Variants in RPRD1B observed in about 807,000 individuals in gnomAD.
The protein encoded by RPRD1B is regulation of nuclear pre-mRNA domain-containing protein 1B.
In RPRD1B, 11 loss-of-function variants were observed where a neutral mutation model predicts 41.5. The observed-to-expected ratio is 0.27, with a 90% CI of 0.17 to 0.44. RPRD1B has a LOEUF of 0.44. RPRD1B is among the 20% of genes least tolerant of loss of function. The pLI is 1.00. For missense variants in RPRD1B, 248 were observed against 389.9 expected (o/e 0.64, Z 3.06); for synonymous variants, 158 against 155.6 (o/e 1.02, Z -0.12).
intron 6 of RPRD1B, among the ~76,000 whole-genome samples, chr20:38,071,022 A>C (rs1003403555): frequency 5.3e-5 from 8 of 152,134 alleles, no homozygotes; most frequent in African/African-American, 1.9e-4. Context: ...ATGCGCCTCC[A>C]TGCCTGGCCT....
At chr20:38,085,807 T>C (rs1600444872) in intron 6 of RPRD1B, among the ~76,000 whole-genome samples, 1 of 150,816 alleles carries the variant, frequency 6.6e-6, no homozygotes, top group African/African-American at 2.4e-5. Flanking sequence ...AAGGCTGGAG[T>C]TGTATTTGGG....
At chr20:38,072,323 G>C (rs1241126985) in intron 6 of RPRD1B, among the ~76,000 whole-genome samples, 1 of 152,010 alleles carries the variant, frequency 6.6e-6, no homozygotes, top group Non-Finnish European at 1.5e-5. Context: ...AAAATCAATT[G>C]GCCACAGATG....
chr20:38,033,988 C>T lies in RPRD1B; in HGVS notation c.41C>T (p.Ser14Leu), dbSNP rs2073962525. 2 of 1,613,824 alleles carry T rather than the reference C, an allele frequency of 1.2e-6. No individual in the cohort carries two copies. Among genetic ancestry groups the T allele is most frequent in the Non-Finnish European group, 1.7e-6 (2 of 1,179,820 alleles). ...FSESALEKKL[S>L]ELSNSQQSVQ... ...GAGTCGGCGCTGGAGAAGAAGCTCT[C>T]GGAGCTGAGCAACTCTCAGCAGAGC... Residue 14 changes from serine (S) to leucine (L), a missense_variant, in exon 1 of 7, where the codon TCG becomes TTG. By Grantham distance (145) the Ser-to-Leu change is moderately radical. Transcript: ENST00000373433.
Position 38,090,368 on chromosome 20 carries a change from C to T in RPRD1B, c.*493C>T. The stretch of plus-strand genomic sequence containing the variant: ...CATCTGCCCCAAAAGGTTGTAGGCA[C>T]AGCTGTCGTAGCGTTGCCATAAAGA... On this transcript the variant is annotated 3_prime_UTR_variant, in exon 7 of 7. Transcript: ENST00000373433. The T allele has an allele frequency of 1.0e-6, 1 of 986,398 alleles. No individual in the cohort carries two copies. The highest frequency in any genetic ancestry group is 1.2e-6 in the Non-Finnish European group (1 of 830,346). 61.1% of individuals were successfully genotyped at this position (986,398 alleles called of 1,614,324 possible).
At chr20:38,046,282 G>A (rs948645716) in intron 2 of RPRD1B, among the ~76,000 whole-genome samples, 2 of 152,140 alleles carry the variant, frequency 1.3e-5, no homozygotes, top group African/African-American at 4.8e-5. Flanking sequence ...TTCATTGGTC[G>A]AGCTGAGGAG....
At chr20:38,074,940 T>C (rs1199508220) in intron 6 of RPRD1B, among the ~76,000 whole-genome samples, 1 of 152,234 alleles carries the variant, frequency 6.6e-6, no homozygotes, top group Non-Finnish European at 1.5e-5. Flanking sequence ...CATGCTTTTT[T>C]CTTAACATGA....
intron 1 of RPRD1B, among the ~76,000 whole-genome samples, chr20:38,036,328 C>G (rs773907288): frequency 1.3e-5 from 2 of 152,206 alleles, no homozygotes; most frequent in Non-Finnish European, 2.9e-5. Flanking sequence ...AAAATGTGTT[C>G]TTTTTCATGT....
chr20:38,041,488 G>A (rs543070273), intron 2 of RPRD1B, among the ~76,000 whole-genome samples: 2 of 152,226 alleles, frequency 1.3e-5, no homozygotes, highest in African/African-American at 4.8e-5. Flanking sequence ...GAAAAAGATG[G>A]TTTTTGTGGA....
chr20:38,059,575 C>T (rs752952761), intron 5 of RPRD1B, 55 bp downstream of exon 5: 14 of 1,577,594 alleles, frequency 8.9e-6, no homozygotes, highest in Non-Finnish European at 1.1e-5. Flanking sequence ...AACTGTAATG[C>T]AGTAACCCTA....
chr20:38,058,594 T>C (rs1156457280), intron 4 of RPRD1B, among the ~76,000 whole-genome samples: 6 of 152,218 alleles, frequency 3.9e-5, no homozygotes, highest in Admixed American at 3.9e-4. Context: ...CTTTTCTTGT[T>C]TTTTCCCCCT....
intron 6 of RPRD1B, among the ~76,000 whole-genome samples, chr20:38,071,799 T>G (rs2074415829): frequency 6.6e-6 from 1 of 152,242 alleles, no homozygotes; most frequent in African/African-American, 2.4e-5. Flanking sequence ...TGATCATCTT[T>G]CAGTATGCTT....
intron 2 of RPRD1B, among the ~76,000 whole-genome samples, chr20:38,041,282 A>G (rs191251164): frequency 6.6e-6 from 1 of 152,386 alleles, no homozygotes; most frequent in East Asian, 1.9e-4. Flanking sequence ...AAATATATAA[A>G]CAGATATTTG....
In RPRD1B at chr20:38,055,583, T is replaced by C. The variant is rs569493219; in HGVS notation, c.416-1949T>C. Among the ~76,000 whole-genome samples, 336 of 152,340 alleles carry C rather than the reference T, an allele frequency of 2.2e-3. 2 individuals carry two copies. Among genetic ancestry groups the C allele is most frequent in the African/African-American group, 7.9e-3 (328 of 41,584 alleles). On this transcript the variant is annotated intron_variant, in intron 3 of 6. Transcript: ENST00000373433. ...TCTAGGCTCCCTCTGATGCTGGCAG[T>C]GGCAGCATCCTGCAGCGTGCTCTTT...
At chr20:38,068,719 T>A (rs569114375) in intron 6 of RPRD1B, among the ~76,000 whole-genome samples, 7 of 152,222 alleles carry the variant, frequency 4.6e-5, no homozygotes, top group Non-Finnish European at 8.8e-5. Flanking sequence ...ATTTAGGCAG[T>A]CTGCTCTCCT....
rs572309644 is a variant in RPRD1B at position 38,081,820 on chromosome 20, G to A, written c.832-7906G>A. On this transcript the variant is annotated intron_variant, in intron 6 of 6. Coordinates refer to ENST00000373433, the MANE Select transcript of RPRD1B (RefSeq NM_021215.4). ...ATCTGTTGAAATTTGAAATGATGAT[G>A]AAGTTTTTGTTTTTAGTTCTGTTTA... Among the ~76,000 whole-genome samples, 62 of 152,264 alleles carry A rather than the reference G, an allele frequency of 4.1e-4. No homozygotes were observed. The South Asian group carries it at 4.4e-3, about 11-fold the overall frequency.
chr20:38,034,808 C>T lies in RPRD1B; in HGVS notation c.151+710C>T, dbSNP rs77214610. Among the ~76,000 whole-genome samples, 487 of 152,306 alleles carry T rather than the reference C, an allele frequency of 3.2e-3. 1 individual carries two copies. Among genetic ancestry groups the T allele is most frequent in the African/African-American group, 0.011 (459 of 41,562 alleles). On this transcript the variant is annotated intron_variant, in intron 1 of 6. Coordinates refer to ENST00000373433, the MANE Select transcript of RPRD1B (RefSeq NM_021215.4). ...TGACAGACAATTCATTGAACTCATT[C>T]TGTTATGTGCCAGGCACTGGCTTGG...
At chr20:38,052,589 T>TC (rs1568648712) in intron 3 of RPRD1B, among the ~76,000 whole-genome samples, 2 of 152,148 alleles carry the variant, frequency 1.3e-5, no homozygotes, top group Non-Finnish European at 2.9e-5. Flanking sequence ...TATTTCCTGA[T>TC]CCTTTTCTCA....
chr20:38,063,291 T>C (rs1336240640), intron 5 of RPRD1B, among the ~76,000 whole-genome samples: 1 of 152,246 alleles, frequency 6.6e-6, no homozygotes, highest in Non-Finnish European at 1.5e-5. Flanking sequence ...GCCTTGTTTT[T>C]CTCTGTAGTT....
At chr20:38,080,606 A>G (rs1031561269) in intron 6 of RPRD1B, among the ~76,000 whole-genome samples, 6 of 151,868 alleles carry the variant, frequency 4.0e-5, no homozygotes, top group Non-Finnish European at 5.9e-5. Context: ...GCTTGCTGCA[A>G]CCTCCGCCTC....
Sources: gnomAD v4.1 joint callset for allele counts (sites outside exome capture counted in the v4.1 genomes callset) on GRCh38, gnomAD v4.1.1 for gene constraint, MANE v1.5 for transcripts, NCBI Gene and HGNC (gene_info 2026-07-23, HGNC 2026-07-21) for gene names.